The following RAB38 variants were observed in gnomAD, a reference collection of about 807,000 sequenced individuals.
RAB38 encodes RAB38, member RAS oncogene family.
Under a neutral mutation model 18.4 loss-of-function variants are expected in RAB38, and 15 were observed. That is an observed-to-expected ratio of 0.82 (90% CI 0.55 to 1.26). RAB38 has a LOEUF of 1.26. Among genes scored for constraint, RAB38 ranks in the 50% most tolerant of loss-of-function variants. The pLI is 0.00. For missense variants in RAB38, 294 were observed against 267.4 expected (o/e 1.10, Z -0.69); for synonymous variants, 101 against 104.4 (o/e 0.97, Z 0.20).
chr11:87,823,769 CAAAT>C, the RAB38 span, among the ~76,000 whole-genome samples: 7 of 151,624 alleles, frequency 4.6e-5, no homozygotes, highest in African/African-American at 1.7e-4. Context: ...GATGAACCGA[CAAAT>C]AAAATATGAT....
At chr11:88,157,831 G>A (rs190074132) in intron 1 of RAB38, among the ~76,000 whole-genome samples, 108 of 152,174 alleles carry the variant, frequency 7.1e-4, no homozygotes, top group African/African-American at 2.5e-3. Flanking sequence ...CTGGTATGCT[G>A]TTAACAGGAA....
At chr11:88,054,461 A>G in the RAB38 span, among the ~76,000 whole-genome samples, 1 of 152,224 alleles carries the variant, frequency 6.6e-6, no homozygotes, top group Non-Finnish European at 1.5e-5. Context: ...AAAAACCCAA[A>G]GGGAAGCAAA....
chr11:87,836,185 C>G, the RAB38 span, among the ~76,000 whole-genome samples: 14,667 of 152,206 alleles, frequency 0.096, 772 homozygotes, highest in African/African-American at 0.12. Flanking sequence ...AGTTGTCATG[C>G]TAAAGTCTTT....
chr11:87,924,176 G>C, the RAB38 span, among the ~76,000 whole-genome samples: 1 of 151,938 alleles, frequency 6.6e-6, no homozygotes, highest in Non-Finnish European at 1.5e-5. Flanking sequence ...AGGAAAGTCT[G>C]GGAGGTTAAC....
the RAB38 span, among the ~76,000 whole-genome samples, chr11:88,015,624 A>T: frequency 6.6e-6 from 1 of 152,058 alleles, no homozygotes; most frequent in Non-Finnish European, 1.5e-5. Flanking sequence ...GGGGGATAAG[A>T]CTCCAGGAGA....
chr11:87,868,610 A>AGAGAGAGAGAGAAG, the RAB38 span, among the ~76,000 whole-genome samples: 2 of 144,722 alleles, frequency 1.4e-5, no homozygotes, highest in African/African-American at 5.0e-5. Context: ...AGAGAGAGAG[A>AGAGAGAGAGAGAAG]GAGAGAGAGA....
the RAB38 span, among the ~76,000 whole-genome samples, chr11:87,967,368 C>T: frequency 6.6e-6 from 1 of 152,080 alleles, no homozygotes; most frequent in Non-Finnish European, 1.5e-5. Context: ...GTGGTTTGGA[C>T]CAACTTCAGA....
the RAB38 span, among the ~76,000 whole-genome samples, chr11:87,849,685 T>A: frequency 4.0e-4 from 61 of 152,270 alleles, no homozygotes. Flanking sequence ...ATAACTTTAA[T>A]CTTCAAAGGG....
chr11:87,948,419 C>T, the RAB38 span, among the ~76,000 whole-genome samples: 1 of 152,080 alleles, frequency 6.6e-6, no homozygotes, highest in South Asian at 2.1e-4. Context: ...CTGGCCAGAA[C>T]TTCCAACACT....
chr11:87,942,703 A>G, the RAB38 span, among the ~76,000 whole-genome samples: 9 of 152,276 alleles, frequency 5.9e-5, no homozygotes, highest in Non-Finnish European at 8.8e-5. Context: ...AGTGGATTTC[A>G]GACCTGGCTG....
At position 88,113,894 on chromosome 11, in the gene RAB38, T is replaced by C; in HGVS notation, c.*94A>G. The C allele has an allele frequency of 6.9e-7, 1 of 1,458,762 alleles. No individual in the cohort carries two copies. The highest frequency in any genetic ancestry group is 1.2e-5 in the South Asian group (1 of 82,440). 90.4% of individuals were successfully genotyped at this position (1,458,762 alleles called of 1,614,324 possible). A position where few individuals can be genotyped will look rare whatever the true frequency, so the allele number is the denominator to read the frequency against. On this transcript the variant is annotated 3_prime_UTR_variant, in exon 3 of 3. Coordinates refer to ENST00000243662, the MANE Select transcript of RAB38 (RefSeq NM_022337.3). ...GATCTTTGGCTTGCCACATGTGGTA[T>C]CTCTATCCTGACGTTTACCCAAAAT...
chr11:87,896,355 A>G, the RAB38 span, among the ~76,000 whole-genome samples: 2 of 151,708 alleles, frequency 1.3e-5, no homozygotes, highest in African/African-American at 4.8e-5. Flanking sequence ...GTGGTACATT[A>G]TAGGGAGGTG....
chr11:87,940,251 A>ATGT, the RAB38 span, among the ~76,000 whole-genome samples: 1 of 151,898 alleles, frequency 6.6e-6, no homozygotes, highest in Non-Finnish European at 1.5e-5. Context: ...TTCACAAATT[A>ATGT]GCCAGCATAA....
the RAB38 span, chr11:87,815,135 T>C: frequency 6.6e-6 from 1 of 152,200 alleles, no homozygotes; most frequent in Non-Finnish European, 1.5e-5. Flanking sequence ...AAAGGTTATT[T>C]GACAGGCTAT....
In RAB38 at chr11:88,152,652, C is replaced by T. The variant is rs557146977; in HGVS notation, c.203-2697G>A. ...CCTTCCTTTGTCAGCTGACAGTCCT[C>T]TTTGCTCTTTCTTATTCAAAGAATG... is the stretch of plus-strand genomic sequence containing the variant. On this transcript the variant is annotated intron_variant, in intron 1 of 2. Transcript: ENST00000243662. Among the ~76,000 whole-genome samples, 25 of 152,328 alleles carry T rather than the reference C, an allele frequency of 1.6e-4. No individual in the cohort carries two copies. The East Asian group carries it at 4.2e-3, about 26-fold the overall frequency.
At chr11:88,133,932 T>A (rs563356792) in intron 2 of RAB38, among the ~76,000 whole-genome samples, 1 of 152,348 alleles carries the variant, frequency 6.6e-6, no homozygotes, top group South Asian at 2.1e-4. Context: ...CATTTTTTCA[T>A]CTAAATGTGG....
the RAB38 span, among the ~76,000 whole-genome samples, chr11:87,873,441 G>A: frequency 6.7e-6 from 1 of 150,280 alleles, no homozygotes; most frequent in Non-Finnish European, 1.5e-5. Context: ...AGCAGAAGTT[G>A]TTATTATTTA....
chr11:88,027,561 G>C, the RAB38 span, among the ~76,000 whole-genome samples: 17 of 152,248 alleles, frequency 1.1e-4, no homozygotes, highest in East Asian at 1.9e-4. Flanking sequence ...CGGCGCACCA[G>C]GAGATTATAT....
the RAB38 span, among the ~76,000 whole-genome samples, chr11:87,970,725 T>C: frequency 2.0e-5 from 3 of 152,108 alleles, no homozygotes; most frequent in Admixed American, 2.0e-4. Flanking sequence ...AGTTGGGGCA[T>C]TGTATAAATA....
Sources: allele counts gnomAD v4.1 joint callset (sites outside exome capture counted in the v4.1 genomes callset), GRCh38; gene constraint gnomAD v4.1.1; transcripts MANE v1.5; gene names NCBI Gene and HGNC (gene_info 2026-07-23, HGNC 2026-07-21).